The following QSER1 variants were observed in gnomAD, a reference collection of about 807,000 sequenced individuals.
QSER1 encodes the protein glutamine and serine-rich protein 1.
In QSER1, 49 loss-of-function variants were observed where a neutral mutation model predicts 158.5. The observed-to-expected ratio is 0.31, with a 90% CI of 0.25 to 0.39. The LOEUF is 0.39. Among genes scored for constraint, QSER1 ranks in the 10% least tolerant of loss-of-function variants. QSER1 has a pLI of 1.00. For synonymous variants in QSER1, 650 were observed against 715.5 expected (o/e 0.91, Z 1.46); for missense variants, 1,754 against 2,010.3 (o/e 0.87, Z 2.44).
At chr11:32,912,625 T>G (rs1043057114) in intron 1 of QSER1, among the ~76,000 whole-genome samples, 22 of 152,074 alleles carry the variant, frequency 1.4e-4, no homozygotes, top group Non-Finnish European at 2.9e-4. Context: ...GACCATTCTT[T>G]AGGCCAGGCA....
At chr11:32,900,971 A>G (rs537243235) in intron 1 of QSER1, among the ~76,000 whole-genome samples, 1 of 152,320 alleles carries the variant, frequency 6.6e-6, no homozygotes, top group Admixed American at 6.5e-5. Context: ...CTTTCCCGAT[A>G]CCACTAACCA....
At chr11:32,976,264 C>A (rs1368710301) in intron 12 of QSER1, 70 bp from the exon 13 acceptor site, 1 of 1,290,048 alleles carries the variant, frequency 7.8e-7, no homozygotes, top group Non-Finnish European at 1.0e-6. Flanking sequence ...AAATAAAATA[C>A]CAGTACTTGT....
intron 4 of QSER1, among the ~76,000 whole-genome samples, chr11:32,949,217 T>G (rs1247186695): frequency 6.6e-6 from 1 of 152,112 alleles, no homozygotes; most frequent in African/African-American, 2.4e-5. Flanking sequence ...TAAAATACCT[T>G]TAGTATTTCC....
At chr11:32,955,654 G>A (rs1015566777) in intron 6 of QSER1, among the ~76,000 whole-genome samples, 3 of 151,664 alleles carry the variant, frequency 2.0e-5, no homozygotes, top group African/African-American at 7.3e-5. Flanking sequence ...TAAAGGAAAG[G>A]GATTAATGTT....
chr11:32,931,821 C>T lies in QSER1; in HGVS notation c.563C>T (p.Ser188Phe), dbSNP rs775809153. 6.2e-7 allele frequency: 1 copy of T among 1,614,182 alleles called. No individual in the cohort carries two copies. Among genetic ancestry groups the T allele is most frequent in the East Asian group, 2.2e-5 (1 of 44,890 alleles). The part of the protein sequence containing the change: ...PSTGTLPPSL[S>F]AYQHPTTFSN... Reference sequence around the variant, plus strand: ...ACTGGAACACTTCCACCATCTCTCTCTGCTTATCAGCATCCCACCACCTTC... The same window carrying T: ...ACTGGAACACTTCCACCATCTCTCTTTGCTTATCAGCATCCCACCACCTTC... Residue 188 changes from serine (S) to phenylalanine (F), a missense_variant, in exon 4 of 13, where the codon TCT becomes TTT. By Grantham distance (155) the Ser-to-Phe change is radical. This residue lies in a region of QSER1 where 1,707 missense variants were observed against 1,919.6 expected (regional missense o/e 0.89). Transcript: ENST00000650167.
At chr11:32,920,413 T>C (rs1851885704) in intron 1 of QSER1, among the ~76,000 whole-genome samples, 1 of 152,136 alleles carries the variant, frequency 6.6e-6, no homozygotes, top group South Asian at 2.1e-4. Flanking sequence ...AAGCTAAAAC[T>C]AAAAAACTCT....
chr11:32,953,887 C>T lies in QSER1; in HGVS notation c.4208C>T (p.Thr1403Ile). The change falls in exon 5 of 13, where the codon ACT becomes ATT. Residue 1403 changes from threonine to isoleucine, a missense_variant. This residue lies in a region of QSER1 where 1,707 missense variants were observed against 1,919.6 expected (regional missense o/e 0.89). Coordinates refer to ENST00000650167, the MANE Select transcript of QSER1 (RefSeq NM_001076786.3). ...CTACAGGTGGCAACTACTAGCCCAA[C>T]TGCCAATACTACTGGTACTGCTACT... The part of the protein sequence containing the change: ...EALQVATTSP[T>I]ANTTGTATTS... The T allele has an allele frequency of 6.2e-7, 1 of 1,613,708 alleles. No individual in the cohort carries two copies. The highest frequency in any genetic ancestry group is 8.5e-7 in the Non-Finnish European group (1 of 1,179,716).
At chr11:32,902,139 TG>T (rs1851633879) in intron 1 of QSER1, among the ~76,000 whole-genome samples, 1 of 152,156 alleles carries the variant, frequency 6.6e-6, no homozygotes, top group Non-Finnish European at 1.5e-5. Context: ...TTTACATTCT[TG>T]GGTGAAGGAG....
chr11:32,966,501 CTGTTAGT>C, intron 9 of QSER1, 64 bp downstream of exon 9: 24 of 1,503,354 alleles, frequency 1.6e-5, no homozygotes, highest in Non-Finnish European at 2.0e-5. Context: ...GAAATCTTGT[CTGTTAGT>C]TATATGTTTA....
At position 32,928,120 on chromosome 11, in the gene QSER1, A is replaced by G. The variant is rs529272123; in HGVS notation, c.481A>G (p.Thr161Ala). The G allele has an allele frequency of 6.2e-7, 1 of 1,600,716 alleles. No homozygotes were observed. The highest frequency in any genetic ancestry group is 1.7e-5 in the Admixed American group (1 of 59,928). ...LPQFRAPSWQTGMHSSAATEL... is the reference protein window; with the variant it reads ...LPQFRAPSWQAGMHSSAATEL... The stretch of plus-strand genomic sequence containing the variant: ...ACAATTCAGGGCTCCATCCTGGCAG[A>G]CAGGTGATTTTCTGTTTCTAGAATT... The change falls in exon 3 of 13, where the codon ACA becomes GCA. Residue 161 changes from threonine to alanine, a missense_variant. Thr to Ala is a moderately conservative substitution (Grantham distance 58, BLOSUM62 0). Transcript: ENST00000650167.
At chr11:32,914,600 T>C (rs1309264786) in intron 1 of QSER1, among the ~76,000 whole-genome samples, 1 of 152,238 alleles carries the variant, frequency 6.6e-6, no homozygotes, top group East Asian at 1.9e-4. Flanking sequence ...CATTTGCTAA[T>C]TGATTTTTAA....
At chr11:32,897,050 A>T (rs1425744712) in intron 1 of QSER1, among the ~76,000 whole-genome samples, 3 of 152,172 alleles carry the variant, frequency 2.0e-5, no homozygotes, top group African/African-American at 4.8e-5. Context: ...CATTTACATC[A>T]CTAGCAACTA....
Position 32,955,267 on chromosome 11 carries a change from G to A in QSER1, c.4501-29G>A, listed in dbSNP as rs375888304. ...GATCTAAAATATGTTGCTGTGTTTTGTAAGTATCATTAATTCTGGTTATTA... is the reference window on the plus strand; with the variant it reads ...GATCTAAAATATGTTGCTGTGTTTTATAAGTATCATTAATTCTGGTTATTA... On this transcript the variant is annotated intron_variant, in intron 5 of 12. Coordinates refer to ENST00000650167, the MANE Select transcript of QSER1 (RefSeq NM_001076786.3). 40 of 1,182,572 alleles carry A rather than the reference G, an allele frequency of 3.4e-5. No individual in the cohort carries two copies. The African/African-American group carries it at 5.4e-4, about 16-fold the overall frequency. The allele number at this position is 1,182,572 out of a possible 1,614,324, so 73.3% of individuals were successfully genotyped here. A position where few individuals can be genotyped will look rare whatever the true frequency, so the allele number is the denominator to read the frequency against.
intron 9 of QSER1, 144 bp downstream of exon 9, chr11:32,966,581 T>C: frequency 1.5e-6 from 1 of 674,510 alleles, no homozygotes; most frequent in South Asian, 3.7e-5. Flanking sequence ...CTTAATTCCA[T>C]AAAATGGTCA....
At chr11:32,925,757 ACCT>A (rs1851961906) in intron 1 of QSER1, among the ~76,000 whole-genome samples, 1 of 151,716 alleles carries the variant, frequency 6.6e-6, no homozygotes, top group African/African-American at 2.4e-5. Flanking sequence ...CAAACTCCTG[ACCT>A]CAAGTGATCC....
chr11:32,975,373 T>A lies in QSER1; in HGVS notation c.5454+30T>A, dbSNP rs765680257. The A allele has an allele frequency of 3.7e-5, 59 of 1,605,252 alleles. No individual in the cohort carries two copies. In the Admixed American group the frequency reaches 6.8e-4, roughly 19 times the overall value. ...TTTCTTCTCATTTACTTAAAAAAAA[T>A]GTTTTTCAGAATGTTAAGGAGACTC... On this transcript the variant is annotated intron_variant, in intron 12 of 12. Transcript: ENST00000650167.
At chr11:32,909,491 G>C (rs1851737359) in intron 1 of QSER1, among the ~76,000 whole-genome samples, 1 of 151,438 alleles carries the variant, frequency 6.6e-6, no homozygotes, top group South Asian at 2.1e-4. Flanking sequence ...CCAGGCTGGA[G>C]TGCAGTAGCA....
At chr11:32,896,092 C>T (rs534206213) in intron 1 of QSER1, among the ~76,000 whole-genome samples, 4 of 152,156 alleles carry the variant, frequency 2.6e-5, no homozygotes, top group Non-Finnish European at 5.9e-5. Flanking sequence ...ATGAACATGT[C>T]CTTTGCTGAA....
rs773320464 is a variant in QSER1, at chr11:32,954,111, G to A, written c.4432G>A (p.Gly1478Arg). ...GFTDEEDTES[G>R]GEGQYRERDE... ...TACAGATGAGGAGGACACAGAAAGC[G>A]GAGGAGAAGGCCAATACAGAGAGCG... Residue 1478 changes from glycine to arginine, a missense_variant, in exon 5 of 13, where the codon GGA (glycine) becomes AGA (arginine). Around this residue, in one of 2 missense-constraint regions of QSER1, gnomAD observed 1,707 missense variants for 1,919.6 expected, o/e 0.89. Transcript: ENST00000650167. 36 of 1,613,970 alleles carry A rather than the reference G, an allele frequency of 2.2e-5. No individual in the cohort carries two copies. The highest frequency in any genetic ancestry group is 3.3e-4 in the Middle Eastern group (2 of 6,084).
Sources: allele counts gnomAD v4.1 joint callset (sites outside exome capture counted in the v4.1 genomes callset), GRCh38; gene constraint gnomAD v4.1.1; regional missense constraint gnomAD v4.1.1; transcripts MANE v1.5; gene names NCBI Gene and HGNC (gene_info 2026-07-23, HGNC 2026-07-21).